The following VTI1A variants were observed in gnomAD, a reference collection of about 807,000 sequenced individuals.
VTI1A encodes vesicle transport through interaction with t-SNAREs homolog 1A.
VTI1A carries 22 observed loss-of-function variants against 34.9 expected under a neutral mutation model. The observed-to-expected ratio is 0.63, with a 90% CI of 0.45 to 0.90. The LOEUF (loss-of-function observed/expected upper bound fraction) is 0.90, where lower values mean the gene tolerates loss of function less well. Ranked by LOEUF, VTI1A falls within the 40% of genes least tolerant of loss-of-function variation. The pLI, the probability that VTI1A is intolerant of heterozygous loss-of-function variation, is 0.00. For synonymous variants in VTI1A, 87 were observed against 97.3 expected (o/e 0.89, Z 0.62); for missense variants, 268 against 275.6 (o/e 0.97, Z 0.20).
chr10:112,675,726 A>C (rs987063970), intron 7 of VTI1A, among the ~76,000 whole-genome samples: 1 of 152,218 alleles, frequency 6.6e-6, no homozygotes, highest in Non-Finnish European at 1.5e-5. Context: ...TCTGAGTCTT[A>C]TCCTTGCTGG....
At chr10:112,490,934 T>C (rs767157597) in intron 3 of VTI1A, among the ~76,000 whole-genome samples, 5 of 152,150 alleles carry the variant, frequency 3.3e-5, no homozygotes, top group Non-Finnish European at 7.4e-5. Flanking sequence ...ATTTTCATTG[T>C]GTTTCAACCC....
At chr10:112,777,819 G>C (rs1039172029) in intron 7 of VTI1A, among the ~76,000 whole-genome samples, 2 of 151,998 alleles carry the variant, frequency 1.3e-5, no homozygotes, top group Non-Finnish European at 2.9e-5. Context: ...ATTGGTGAAA[G>C]TGGCCGGGCA....
At chr10:112,542,115 A>G (rs1850893146) in intron 5 of VTI1A, among the ~76,000 whole-genome samples, 1 of 152,198 alleles carries the variant, frequency 6.6e-6, no homozygotes, top group African/African-American at 2.4e-5. Context: ...TTATTCTGAA[A>G]TGATGATTCT....
intron 7 of VTI1A, among the ~76,000 whole-genome samples, chr10:112,795,983 T>C (rs1334382438): frequency 1.3e-5 from 2 of 152,186 alleles, no homozygotes; most frequent in East Asian, 1.9e-4. Context: ...TTGCTGTTAG[T>C]TCAACTAGTG....
intron 7 of VTI1A, among the ~76,000 whole-genome samples, chr10:112,791,366 C>T (rs1852472464): frequency 6.6e-6 from 1 of 152,114 alleles, no homozygotes; most frequent in South Asian, 2.1e-4. Context: ...ACACGCTCAG[C>T]AAAAGGCCAG....
intron 7 of VTI1A, among the ~76,000 whole-genome samples, chr10:112,796,419 A>AG (rs1554963655): frequency 0.2 from 29,668 of 145,730 alleles, 3,832 homozygotes; most frequent in Non-Finnish European, 0.27. Context: ...AAAAAAAAAA[A>AG]AAGAAGGCTG....
At position 112,536,810 on chromosome 10, in the gene VTI1A, C is replaced by T. The variant is rs118058554; in HGVS notation, c.343-1436C>T. 2.4e-3 allele frequency among the ~76,000 whole-genome samples: 359 copies of T among 147,872 alleles called. 17 individuals are homozygous for T. In the East Asian group the frequency reaches 0.065, roughly 27 times the overall value. ...TTGATGTGGCTTTAGCTGCCTCCAA[C>T]GTCTGGCCGCATCTCAGATGTGTCA... On this transcript the variant is annotated intron_variant, in intron 4 of 7. Coordinates refer to ENST00000393077, the MANE Select transcript of VTI1A (RefSeq NM_145206.4).
At chr10:112,645,393 G>A (rs1332603704) in intron 5 of VTI1A, among the ~76,000 whole-genome samples, 2 of 152,194 alleles carry the variant, frequency 1.3e-5, no homozygotes, top group African/African-American at 4.8e-5. Flanking sequence ...AAAATGATGA[G>A]TTAGACCAGT....
At chr10:112,532,479 C>T (rs549508262) in intron 4 of VTI1A, among the ~76,000 whole-genome samples, 3 of 152,046 alleles carry the variant, frequency 2.0e-5, no homozygotes, top group African/African-American at 4.8e-5. Flanking sequence ...AAACTGTGGT[C>T]GTCATCTCAC....
intron 7 of VTI1A, among the ~76,000 whole-genome samples, chr10:112,687,312 C>A (rs1348451514): frequency 1.4e-5 from 2 of 139,998 alleles, no homozygotes; most frequent in African/African-American, 5.4e-5. Flanking sequence ...CAGCTCACTG[C>A]AAGCTCCACC....
the VTI1A span, among the ~76,000 whole-genome samples, chr10:112,835,094 C>T: frequency 6.6e-6 from 1 of 152,174 alleles, no homozygotes; most frequent in Non-Finnish European, 1.5e-5. Flanking sequence ...CCGTGCGCTT[C>T]TCGACTGACA....
intron 1 of VTI1A, chr10:112,450,867 C>T (rs538985126): frequency 6.6e-6 from 1 of 152,248 alleles, no homozygotes; most frequent in African/African-American, 2.4e-5. Flanking sequence ...TGAGCAGAAA[C>T]TATACAGTTA....
At chr10:112,633,139 G>A (rs1179381402) in intron 5 of VTI1A, among the ~76,000 whole-genome samples, 1 of 152,182 alleles carries the variant, frequency 6.6e-6, no homozygotes, top group Non-Finnish European at 1.5e-5. Context: ...GACCAACATG[G>A]TGAGTCCTGA....
At chr10:112,719,548 C>T (rs963020026) in intron 7 of VTI1A, among the ~76,000 whole-genome samples, 1 of 144,528 alleles carries the variant, frequency 6.9e-6, no homozygotes, top group Non-Finnish European at 1.5e-5. Flanking sequence ...AATTGTAGAA[C>T]TTTTTTTTTT....
At chr10:112,779,479 C>T (rs1392511158) in intron 7 of VTI1A, among the ~76,000 whole-genome samples, 2 of 152,210 alleles carry the variant, frequency 1.3e-5, no homozygotes, top group African/African-American at 4.8e-5. Context: ...AGATTGTCCT[C>T]TCTTTTTCAG....
rs1848604210 is a variant in VTI1A at position 112,485,725 on chromosome 10, A to AT, written c.264+21071dup. Among the ~76,000 whole-genome samples the AT allele has an allele frequency of 3.9e-5, 6 of 152,206 alleles. 1 individual carries two copies. In the South Asian group the frequency reaches 1.2e-3, roughly 31 times the overall value. On this transcript the variant is annotated intron_variant, in intron 3 of 7. Transcript: ENST00000393077. ...AACAAATGCAAATGTCAACCTCACA[A>AT]TTTAACCTTTCTGTGTAGAGAAAAG...
chr10:112,823,227 G>T (rs1372758396), downstream of VTI1A, among the ~76,000 whole-genome samples: 2 of 152,246 alleles, frequency 1.3e-5, no homozygotes, highest in African/African-American at 4.8e-5. Context: ...GTCCCCATCA[G>T]CACTGGCCCT....
chr10:112,845,934 C>T, the VTI1A span, among the ~76,000 whole-genome samples: 5,477 of 152,158 alleles, frequency 0.036, 186 homozygotes, highest in African/African-American at 0.091. Context: ...AGGAGAATCA[C>T]TTGAACCCGG....
At chr10:112,450,635 C>G (rs751421107) in intron 1 of VTI1A, 1 of 152,140 alleles carries the variant, frequency 6.6e-6, no homozygotes, top group Admixed American at 6.5e-5. Flanking sequence ...CCAAAGAGAA[C>G]AGAAGAGTGA....
Sources: allele counts gnomAD v4.1 joint callset (sites outside exome capture counted in the v4.1 genomes callset), GRCh38; gene constraint gnomAD v4.1.1; transcripts MANE v1.5; gene names NCBI Gene and HGNC (gene_info 2026-07-23, HGNC 2026-07-21).